PTPN3: variants seen among roughly 807,000 people sequenced by gnomAD.
PTPN3 encodes protein tyrosine phosphatase non-receptor type 3.
PTPN3 carries 96 observed loss-of-function variants against 132.7 expected under a neutral mutation model. The ratio of observed to expected loss-of-function variants is 0.72; its 90% CI spans 0.61 to 0.86. The LOEUF is 0.86. PTPN3 is among the 40% of genes least tolerant of loss of function. PTPN3 has a pLI of 0.00. For missense variants in PTPN3, 1,125 were observed against 1,159.6 expected (o/e 0.97, Z 0.43); for synonymous variants, 398 against 429.0 (o/e 0.93, Z 0.89).
chr9:109,407,287 A>C (rs1183532255), intron 17 of PTPN3, among the ~76,000 whole-genome samples: 1 of 152,130 alleles, frequency 6.6e-6, no homozygotes, highest in African/African-American at 2.4e-5. Context: ...CTTGGGAGGC[A>C]GAGGCAGGAG....
intron 22 of PTPN3, 134 bp downstream of exon 22, chr9:109,389,099 T>C: frequency 8.5e-7 from 1 of 1,170,900 alleles, no homozygotes; most frequent in Non-Finnish European, 1.2e-6. Context: ...TATTGGTTGC[T>C]CTGTAGAGGA....
chr9:109,448,927 G>A, intron 5 of PTPN3, 72 bp from the exon 6 acceptor site: 2 of 1,509,146 alleles, frequency 1.3e-6, no homozygotes, highest in South Asian at 2.5e-5. Context: ...AAGAAAGTTT[G>A]ATGAGTCAAA....
chr9:109,422,478 A>G (rs1353389727), intron 13 of PTPN3, among the ~76,000 whole-genome samples: 2 of 152,222 alleles, frequency 1.3e-5, no homozygotes, highest in Admixed American at 1.3e-4. Context: ...AGCAGGCTCG[A>G]GTTTCCCAAA....
intron 4 of PTPN3, 51 bp from the exon 5 acceptor site, chr9:109,454,625 G>A (rs528650547): frequency 7.0e-7 from 1 of 1,434,282 alleles, no homozygotes; most frequent in African/African-American, 1.4e-5. Context: ...CAAAGTCAAT[G>A]TATGTAAGTT....
Position 109,473,729 on chromosome 9 carries a change from A to T in PTPN3, c.-17-10278T>A, listed in dbSNP as rs531344871. 2.0e-5 allele frequency among the ~76,000 whole-genome samples: 3 copies of T among 152,290 alleles called. No individual in the cohort carries two copies. The East Asian group carries it at 5.8e-4, about 29-fold the overall frequency. Reference sequence around the variant, plus strand: ...AATGAAGCCATTCAATTTAAAGAAAAACCTTTTTCTTGAAGTATCACAGAG... The same window carrying T: ...AATGAAGCCATTCAATTTAAAGAAATACCTTTTTCTTGAAGTATCACAGAG... On this transcript the variant is annotated intron_variant, in intron 1 of 25. Transcript: ENST00000374541.
At chr9:109,510,293 T>G in the PTPN3 span, among the ~76,000 whole-genome samples, 6 of 151,942 alleles carry the variant, frequency 3.9e-5, no homozygotes, top group African/African-American at 1.5e-4. Flanking sequence ...GCGTGGTGGC[T>G]CACACTTGTA....
chr9:109,397,223 A>G (rs1840677776), intron 19 of PTPN3, among the ~76,000 whole-genome samples: 1 of 152,242 alleles, frequency 6.6e-6, no homozygotes, highest in Non-Finnish European at 1.5e-5. Context: ...ATCAGCCACT[A>G]CGGCATTATC....
intron 9 of PTPN3, 41 bp downstream of exon 9, chr9:109,436,842 A>G: frequency 6.4e-7 from 1 of 1,574,208 alleles, no homozygotes; most frequent in Non-Finnish European, 8.6e-7. Context: ...GATTAAAATA[A>G]AAACATAATG....
At chr9:109,382,768 T>TC (rs1564370205) in intron 23 of PTPN3, among the ~76,000 whole-genome samples, 1 of 146,842 alleles carries the variant, frequency 6.8e-6, no homozygotes, top group African/African-American at 2.6e-5. Flanking sequence ...TTTTTTTTTT[T>TC]CAACTGTGGC....
the PTPN3 span, among the ~76,000 whole-genome samples, chr9:109,537,878 T>A: frequency 3.3e-5 from 5 of 152,248 alleles, no homozygotes; most frequent in Non-Finnish European, 7.3e-5. Flanking sequence ...TACACAGATA[T>A]CTGAATGAGC....
At chr9:109,417,546 C>G in intron 14 of PTPN3, 60 of 666,028 alleles carry the variant, frequency 9.0e-5, no homozygotes, top group Middle Eastern at 7.3e-4. Context: ...TTTTTTTTTT[C>G]TTTTTTTCTC....
At chr9:109,513,259 A>G in the PTPN3 span, among the ~76,000 whole-genome samples, 1 of 151,886 alleles carries the variant, frequency 6.6e-6, no homozygotes, top group African/African-American at 2.4e-5. Context: ...GCCTCAAATG[A>G]TCCTCCTGCC....
chr9:109,462,140 C>A (rs986028319), intron 2 of PTPN3, among the ~76,000 whole-genome samples: 3 of 152,232 alleles, frequency 2.0e-5, no homozygotes, highest in African/African-American at 7.2e-5. Flanking sequence ...ATCTCTACTG[C>A]CCATTCCCAC....
intron 12 of PTPN3, among the ~76,000 whole-genome samples, 172 bp from the exon 13 acceptor site, chr9:109,423,024 T>C (rs758487904): frequency 6.6e-4 from 100 of 152,226 alleles, no homozygotes; most frequent in Non-Finnish European, 2.1e-4. Context: ...TGTCCTGGAA[T>C]TTCCTTATGT....
At chr9:109,521,261 C>A in the PTPN3 span, among the ~76,000 whole-genome samples, 1 of 152,136 alleles carries the variant, frequency 6.6e-6, no homozygotes, top group South Asian at 2.1e-4. Flanking sequence ...CAGGCTCAAG[C>A]AATCCTCCCA....
chr9:109,481,135 C>T (rs1210315140), intron 1 of PTPN3, among the ~76,000 whole-genome samples: 4 of 152,188 alleles, frequency 2.6e-5, no homozygotes, highest in African/African-American at 4.8e-5. Context: ...AACTCACAGA[C>T]CTAACTGGAC....
chr9:109,399,365 T>C (rs1840868831), intron 19 of PTPN3, among the ~76,000 whole-genome samples: 1 of 152,216 alleles, frequency 6.6e-6, no homozygotes, highest in Non-Finnish European at 1.5e-5. Flanking sequence ...GCTCTATCTC[T>C]GACTAGTTGT....
intron 22 of PTPN3, among the ~76,000 whole-genome samples, chr9:109,385,525 C>T (rs928525569): frequency 3.3e-5 from 5 of 152,094 alleles, no homozygotes; most frequent in Non-Finnish European, 7.3e-5. Flanking sequence ...TAAACTGAGG[C>T]TCAGAGAATG....
chr9:109,524,419 G>A, the PTPN3 span, among the ~76,000 whole-genome samples: 16 of 152,092 alleles, frequency 1.1e-4, 2 homozygotes, highest in Non-Finnish European at 1.6e-4. Flanking sequence ...GATACATTAA[G>A]GAGCTGGCTC....
Sources: gnomAD v4.1 joint callset for allele counts (sites outside exome capture counted in the v4.1 genomes callset) on GRCh38, gnomAD v4.1.1 for gene constraint, MANE v1.5 for transcripts, NCBI Gene and HGNC (gene_info 2026-07-23, HGNC 2026-07-21) for gene names.